PTPRT: variants seen among roughly 807,000 people sequenced by gnomAD.
PTPRT encodes protein tyrosine phosphatase receptor type T.
PTPRT carries 56 observed loss-of-function variants against 176.8 expected under a neutral mutation model. That is an observed-to-expected ratio of 0.32 (90% CI 0.26 to 0.40). PTPRT has a LOEUF of 0.40. Among genes scored for constraint, PTPRT ranks in the 10% least tolerant of loss-of-function variants. PTPRT has a pLI of 1.00. For synonymous variants in PTPRT, 783 were observed against 739.0 expected, an observed-to-expected ratio of 1.06 and a Z score of -0.96; for missense variants, 1,540 against 1,908.2, an observed-to-expected ratio of 0.81 and a Z score of 3.60.
At chr20:42,058,082 A>T in the PTPRT span, among the ~76,000 whole-genome samples, 1 of 152,160 alleles carries the variant, frequency 6.6e-6, no homozygotes, top group Non-Finnish European at 1.5e-5. Context: ...AATACCTGAG[A>T]CAGGGGCTTC....
At chr20:42,422,249 T>C (rs1352550450) in intron 9 of PTPRT, among the ~76,000 whole-genome samples, 1 of 152,072 alleles carries the variant, frequency 6.6e-6, no homozygotes, top group Admixed American at 6.6e-5. Flanking sequence ...AAATAAACTA[T>C]CAACAGACTA....
At chr20:42,203,730 A>T (rs1291559972) in intron 15 of PTPRT, among the ~76,000 whole-genome samples, 1 of 152,238 alleles carries the variant, frequency 6.6e-6, no homozygotes, top group Non-Finnish European at 1.5e-5. Flanking sequence ...AATGGCAAAG[A>T]CGGGCATTAA....
chr20:42,628,764 C>A (rs550070293), intron 7 of PTPRT, among the ~76,000 whole-genome samples: 1 of 152,108 alleles, frequency 6.6e-6, no homozygotes, highest in African/African-American at 2.4e-5. Flanking sequence ...TAAATTCAAC[C>A]TATTTTTGTA....
intron 14 of PTPRT, among the ~76,000 whole-genome samples, chr20:42,246,228 C>T (rs1408235689): frequency 1.3e-5 from 2 of 152,100 alleles, no homozygotes; most frequent in South Asian, 4.1e-4. Flanking sequence ...CATCTCTAGA[C>T]ACAGGAAGAC....
chr20:43,034,731 A>G (rs1986304148), intron 1 of PTPRT, among the ~76,000 whole-genome samples: 1 of 152,006 alleles, frequency 6.6e-6, no homozygotes, highest in East Asian at 2.0e-4. Flanking sequence ...AAATAAATTC[A>G]CAGTAGAATG....
chr20:42,319,659 C>G (rs947068245), intron 11 of PTPRT, among the ~76,000 whole-genome samples: 1 of 152,190 alleles, frequency 6.6e-6, no homozygotes, highest in Non-Finnish European at 1.5e-5. Flanking sequence ...AAACAGCACT[C>G]ACAAGTTGTA....
intron 16 of PTPRT, among the ~76,000 whole-genome samples, chr20:42,190,237 T>C (rs544384949): frequency 3.9e-5 from 6 of 152,236 alleles, no homozygotes; most frequent in Non-Finnish European, 8.8e-5. Flanking sequence ...CAATGCTCTG[T>C]TGAGCTCTCG....
intron 2 of PTPRT, among the ~76,000 whole-genome samples, chr20:42,850,199 A>G (rs1053348883): frequency 1.1e-4 from 17 of 152,200 alleles, no homozygotes; most frequent in Admixed American, 3.9e-4. Context: ...GTTGAATTTG[A>G]AACCTAACCC....
At chr20:42,743,297 A>C (rs2076639070) in intron 6 of PTPRT, among the ~76,000 whole-genome samples, 1 of 152,252 alleles carries the variant, frequency 6.6e-6, no homozygotes, top group Non-Finnish European at 1.5e-5. Context: ...TCATTTTAAA[A>C]GAGAAGAGGC....
intron 6 of PTPRT, among the ~76,000 whole-genome samples, chr20:42,730,378 A>C (rs1446217316): frequency 6.6e-6 from 1 of 152,218 alleles, no homozygotes; most frequent in African/African-American, 2.4e-5. Context: ...CAAAAGCAGA[A>C]AGCAATAAGA....
At chr20:43,159,839 C>T (rs996257929) in intron 1 of PTPRT, among the ~76,000 whole-genome samples, 1 of 151,834 alleles carries the variant, frequency 6.6e-6, no homozygotes, top group Non-Finnish European at 1.5e-5. Flanking sequence ...TTTTTCGCCC[C>T]GACCATGTCA....
intron 1 of PTPRT, among the ~76,000 whole-genome samples, chr20:43,105,631 C>A (rs2012572447): frequency 6.6e-6 from 1 of 152,134 alleles, no homozygotes; most frequent in South Asian, 2.1e-4. Flanking sequence ...AATTCCTGAG[C>A]TCAGGTAATC....
chr20:42,777,384 C>G (rs992299523), intron 4 of PTPRT, among the ~76,000 whole-genome samples: 4 of 152,168 alleles, frequency 2.6e-5, no homozygotes, highest in African/African-American at 9.7e-5. Flanking sequence ...AGCACCCCTC[C>G]ACCAAATCAC....
rs79611912 is a variant in PTPRT, at chr20:43,156,654, T to G, written c.88+32992A>C. On this transcript the variant is annotated intron_variant, in intron 1 of 30. Coordinates refer to ENST00000373187, the MANE Select transcript of PTPRT (RefSeq NM_007050.6). ...TGGACAAAGAGAGTGAATGGTTGGATCAAACCCAATGCTGACTTGGATGGA... is the reference window on the plus strand; with the variant it reads ...TGGACAAAGAGAGTGAATGGTTGGAGCAAACCCAATGCTGACTTGGATGGA... 7.8e-4 allele frequency among the ~76,000 whole-genome samples: 119 copies of G among 152,274 alleles called. 1 individual carries two copies. The East Asian group carries it at 0.022, about 28-fold the overall frequency.
At chr20:42,496,863 G>A (rs1443866164) in intron 7 of PTPRT, among the ~76,000 whole-genome samples, 1 of 152,048 alleles carries the variant, frequency 6.6e-6, no homozygotes, top group Non-Finnish European at 1.5e-5. Flanking sequence ...CGTTGACAAT[G>A]CATTCCATAG....
chr20:42,384,557 T>G (rs991768348), intron 9 of PTPRT, among the ~76,000 whole-genome samples: 24 of 152,202 alleles, frequency 1.6e-4, no homozygotes, highest in African/African-American at 5.3e-4. Context: ...TAAATCATGT[T>G]GCAATGAATA....
At chr20:42,042,497 A>C in the PTPRT span, among the ~76,000 whole-genome samples, 1 of 152,154 alleles carries the variant, frequency 6.6e-6, no homozygotes, top group Non-Finnish European at 1.5e-5. Flanking sequence ...GTCTGGGAGC[A>C]GCTTTCCCTC....
rs374374950 is a variant in PTPRT, at chr20:42,329,473, GCACACACA to G, written c.1866-13485_1866-13478del. 4.6e-3 allele frequency among the ~76,000 whole-genome samples: 669 copies of G among 145,074 alleles called. 7 individuals are homozygous for G. The highest frequency in any genetic ancestry group is 0.015 in the African/African-American group (617 of 39,964). On this transcript the variant is annotated intron_variant, in intron 11 of 30. Transcript: ENST00000373187. ...AACAGTATAAACCAAGAATATAGTG[GCACACACA>G]CACACACACACACACACACACATAC...
intron 7 of PTPRT, among the ~76,000 whole-genome samples, chr20:42,532,162 T>C (rs1011486368): frequency 6.6e-6 from 1 of 152,120 alleles, no homozygotes; most frequent in East Asian, 1.9e-4. Flanking sequence ...AAGAAGTGTG[T>C]GGCTTAGGGC....
Sources: gnomAD v4.1 joint callset for allele counts (sites outside exome capture counted in the v4.1 genomes callset) on GRCh38, gnomAD v4.1.1 for gene constraint, MANE v1.5 for transcripts, NCBI Gene and HGNC (gene_info 2026-07-23, HGNC 2026-07-21) for gene names.